OPCML: variants seen among roughly 807,000 people sequenced by gnomAD.
OPCML encodes opioid binding protein/cell adhesion molecule like, also known as opioid-binding protein/cell adhesion molecule.
In OPCML, 13 loss-of-function variants were observed where a neutral mutation model predicts 37.8. The observed-to-expected ratio is 0.34, with a 90% CI of 0.22 to 0.55. The LOEUF is 0.55. Ranked by LOEUF, OPCML falls within the 20% of genes least tolerant of loss-of-function variation. The pLI is 0.91. For missense variants in OPCML, 341 were observed against 435.6 expected, an observed-to-expected ratio of 0.78 and a Z score of 1.93; for synonymous variants, 176 against 168.8, an observed-to-expected ratio of 1.04 and a Z score of -0.33.
At chr11:132,891,778 T>C (rs1943658417) in intron 2 of OPCML, among the ~76,000 whole-genome samples, 1 of 152,262 alleles carries the variant, frequency 6.6e-6, no homozygotes, top group African/African-American at 2.4e-5. Flanking sequence ...ATATTGTCTT[T>C]ACCTTATATT....
At chr11:133,499,675 A>C (rs1947862276) in intron 1 of OPCML, among the ~76,000 whole-genome samples, 1 of 151,832 alleles carries the variant, frequency 6.6e-6, no homozygotes, top group South Asian at 2.1e-4. Context: ...GCCTGGGAGT[A>C]GAAGAGGTTT....
rs1267487784 is a variant in OPCML, at chr11:133,154,332, C to T, written c.62-211322G>A. Among the ~76,000 whole-genome samples, 3 of 152,144 alleles carry T rather than the reference C, an allele frequency of 2.0e-5. No homozygotes were observed. In the South Asian group the frequency reaches 6.2e-4, roughly 32 times the overall value. ...ATAAATCGTGAATGCCTTCAAATCACGAATTCCTTCTCTAAATTTAATAAA... is the reference window on the plus strand; with the variant it reads ...ATAAATCGTGAATGCCTTCAAATCATGAATTCCTTCTCTAAATTTAATAAA... On this transcript the variant is annotated intron_variant, in intron 1 of 7. Coordinates refer to ENST00000524381, the MANE Select transcript of OPCML (RefSeq NM_001012393.5).
Position 133,005,321 on chromosome 11 carries a change from G to T in OPCML, c.62-62311C>A, listed in dbSNP as rs929708616. On this transcript the variant is annotated intron_variant, in intron 1 of 7. Coordinates refer to ENST00000524381, the MANE Select transcript of OPCML (RefSeq NM_001012393.5). ...ATGGCTAGATCCATTCCCCCACATT[G>T]CTTGGAAGTAACATGACAGTAAATG... 8.1e-6 allele frequency: 8 copies of T among 985,264 alleles called. No homozygotes were observed. In the African/African-American group the frequency reaches 1.0e-4, roughly 13 times the overall value. The allele number at this position is 985,264 out of a possible 1,614,324, so 61.0% of individuals were successfully genotyped here.
At chr11:132,732,458 G>C (rs1397175309) in intron 2 of OPCML, among the ~76,000 whole-genome samples, 1 of 152,166 alleles carries the variant, frequency 6.6e-6, no homozygotes, top group East Asian at 1.9e-4. Context: ...TATTGAGTCT[G>C]AGGTTCCTGC....
intron 1 of OPCML, among the ~76,000 whole-genome samples, chr11:133,401,250 A>G (rs1490323729): frequency 1.3e-5 from 2 of 152,242 alleles, no homozygotes; most frequent in African/African-American, 4.8e-5. Context: ...AAGTAAGATA[A>G]GAATCAAATA....
rs570391731 is a variant in OPCML at position 133,420,915 on chromosome 11, G to T, written c.61+111349C>A. On this transcript the variant is annotated intron_variant, in intron 1 of 7. Coordinates refer to ENST00000524381, the MANE Select transcript of OPCML (RefSeq NM_001012393.5). ...GAGCCTTCAAGGAAAACAGTAAAAA[G>T]GATTACAGTGGCTGATAATTGGTCT... The T allele has an allele frequency of 3.5e-5, 34 of 985,330 alleles. 1 individual carries two copies. The South Asian group carries it at 1.5e-3, about 42-fold the overall frequency. The allele number at this position is 985,330 out of a possible 1,614,324, so 61.0% of individuals were successfully genotyped here.
intron 3 of OPCML, among the ~76,000 whole-genome samples, chr11:132,573,598 A>G (rs546603939): frequency 2.0e-5 from 3 of 152,070 alleles, no homozygotes; most frequent in South Asian, 4.1e-4. Flanking sequence ...GTTGTGGTGC[A>G]TGATGCTTTG....
At chr11:133,310,730 C>T (rs1350187675) in intron 1 of OPCML, among the ~76,000 whole-genome samples, 1 of 152,096 alleles carries the variant, frequency 6.6e-6, no homozygotes, top group Middle Eastern at 3.2e-3. Flanking sequence ...AGTCAACCCA[C>T]CTTAAGTGAG....
intron 4 of OPCML, among the ~76,000 whole-genome samples, chr11:132,476,236 T>C (rs1319011811): frequency 1.3e-5 from 2 of 152,158 alleles, no homozygotes; most frequent in African/African-American, 4.8e-5. Context: ...TTTTACACTG[T>C]TGGTGGGACT....
At chr11:132,461,938 C>T (rs1306465804) in intron 4 of OPCML, among the ~76,000 whole-genome samples, 2 of 152,172 alleles carry the variant, frequency 1.3e-5, no homozygotes, top group Admixed American at 1.3e-4. Context: ...TCACTGGGTC[C>T]CTCCCATGAC....
At chr11:132,796,980 C>T in intron 2 of OPCML, among the ~76,000 whole-genome samples, 1 of 152,054 alleles carries the variant, frequency 6.6e-6, no homozygotes, top group East Asian at 1.9e-4. Flanking sequence ...TATTGAGATT[C>T]AAGGATTATT....
Position 133,207,288 on chromosome 11 carries a change from A to G in OPCML, c.62-264278T>C, listed in dbSNP as rs531529241. 2.6e-5 allele frequency among the ~76,000 whole-genome samples: 4 copies of G among 152,246 alleles called. No individual in the cohort carries two copies. In the South Asian group the frequency reaches 6.2e-4, roughly 24 times the overall value. ...GCCCTCCAGCCTGGGCGACAGAGTG[A>G]GACTCCATCTCAAAAACAAAAAACA... is the stretch of plus-strand genomic sequence containing the variant. On this transcript the variant is annotated intron_variant, in intron 1 of 7. Transcript: ENST00000524381.
In OPCML at chr11:133,176,353, C is replaced by CA. The variant is rs755246338; in HGVS notation, c.62-233344dup. Among the ~76,000 whole-genome samples the CA allele has an allele frequency of 1.6e-3, 122 of 75,110 alleles. No homozygotes were observed. In the East Asian group the frequency reaches 0.029, roughly 18 times the overall value. 49.3% of individuals were successfully genotyped at this position (75,110 alleles called of 152,430 possible). A position where few individuals can be genotyped will look rare whatever the true frequency, so the allele number is the denominator to read the frequency against. ...TTCATTTTCCTTTTTTTTTTTTTTTCATTTGTGGCACTATTTCAACATGAG... is the reference window on the plus strand; with the variant it reads ...TTCATTTTCCTTTTTTTTTTTTTTTCAATTTGTGGCACTATTTCAACATGAG... On this transcript the variant is annotated intron_variant, in intron 1 of 7. Transcript: ENST00000524381.
At chr11:132,905,151 C>G (rs1335511201) in intron 2 of OPCML, among the ~76,000 whole-genome samples, 1 of 151,602 alleles carries the variant, frequency 6.6e-6, no homozygotes, top group East Asian at 1.9e-4. Flanking sequence ...ATTAATGAGG[C>G]TCAGCTGTGT....
chr11:133,513,533 C>A (rs1948201987), intron 1 of OPCML, among the ~76,000 whole-genome samples: 1 of 152,212 alleles, frequency 6.6e-6, no homozygotes. Flanking sequence ...CTTCATGAAA[C>A]CTGGCAGAGC....
At chr11:132,921,327 C>G (rs1471436723) in intron 2 of OPCML, among the ~76,000 whole-genome samples, 2 of 152,148 alleles carry the variant, frequency 1.3e-5, no homozygotes, top group Middle Eastern at 3.4e-3. Flanking sequence ...TTGGTTGTCC[C>G]TTTATTGCAC....
chr11:133,233,362 T>C (rs1940365679), intron 1 of OPCML, among the ~76,000 whole-genome samples: 1 of 152,044 alleles, frequency 6.6e-6, no homozygotes, highest in South Asian at 2.1e-4. Context: ...TTCTCTGCCA[T>C]CCCCCTTTCT....
chr11:132,924,972 T>C (rs750749849), intron 2 of OPCML, among the ~76,000 whole-genome samples: 5 of 152,252 alleles, frequency 3.3e-5, no homozygotes, highest in Non-Finnish European at 7.3e-5. Context: ...AGTCTTTCTC[T>C]TTGCTTTTCA....
At chr11:132,612,364 A>C (rs1481805814) in intron 3 of OPCML, among the ~76,000 whole-genome samples, 2 of 152,224 alleles carry the variant, frequency 1.3e-5, no homozygotes, top group Admixed American at 1.3e-4. Context: ...ATAGATATTA[A>C]AATTAATACA....
Sources: gnomAD v4.1 joint callset for allele counts (sites outside exome capture counted in the v4.1 genomes callset) on GRCh38, gnomAD v4.1.1 for gene constraint, MANE v1.5 for transcripts, NCBI Gene and HGNC (gene_info 2026-07-23, HGNC 2026-07-21) for gene names.